TIMMDC1: variants seen among roughly 807,000 people sequenced by gnomAD.
The protein encoded by TIMMDC1 is complex I assembly factor TIMMDC1, mitochondrial.
In TIMMDC1, 25 loss-of-function variants were observed where a neutral mutation model predicts 32.6. The ratio of observed to expected loss-of-function variants is 0.77; its 90% CI spans 0.56 to 1.07. The LOEUF is 1.07. Ranked by LOEUF, TIMMDC1 falls within the 50% of genes least tolerant of loss-of-function variation. The pLI is 0.00. For synonymous variants in TIMMDC1, 130 were observed against 127.6 expected (o/e 1.02, Z -0.13); for missense variants, 329 against 349.2 (o/e 0.94, Z 0.46).
intron 4 of TIMMDC1, among the ~76,000 whole-genome samples, chr3:119,504,952 C>A (rs1440250942): frequency 6.6e-6 from 1 of 151,948 alleles, no homozygotes; most frequent in Non-Finnish European, 1.5e-5. Flanking sequence ...GTGGCAGGTG[C>A]CTGTAATCCC....
At chr3:119,518,005 T>G (rs536183272) in intron 6 of TIMMDC1, among the ~76,000 whole-genome samples, 1 of 150,070 alleles carries the variant, frequency 6.7e-6, no homozygotes, top group East Asian at 2.0e-4. Context: ...TGCATACATA[T>G]GTAAGTAAGA....
chr3:119,499,561 T>C (rs1438191330), intron 1 of TIMMDC1, among the ~76,000 whole-genome samples: 1 of 151,752 alleles, frequency 6.6e-6, no homozygotes. Flanking sequence ...GGGATTACAG[T>C]TGCCCACTAC....
At chr3:119,507,463 T>C (rs983013494) in intron 4 of TIMMDC1, among the ~76,000 whole-genome samples, 1 of 152,200 alleles carries the variant, frequency 6.6e-6, no homozygotes, top group African/African-American at 2.4e-5. Flanking sequence ...AGTGGGTTTT[T>C]AAATTTGTTT....
chr3:119,503,476 G>C lies in TIMMDC1; in HGVS notation c.361-56G>C, dbSNP rs1317633871. 3 of 1,414,626 alleles carry C rather than the reference G, an allele frequency of 2.1e-6. No homozygotes were observed. The African/African-American group carries it at 4.3e-5, about 20-fold the overall frequency. 87.6% of individuals were successfully genotyped at this position (1,414,626 alleles called of 1,614,324 possible). ...CTAAAATTCCTCTACCGCAGTTCTA[G>C]AATAAGGAAAATATGATGGTGTCTT... On this transcript the variant is annotated intron_variant, in intron 2 of 6. Transcript: ENST00000494664.
chr3:119,505,974 C>T (rs571023091), intron 4 of TIMMDC1, among the ~76,000 whole-genome samples: 7 of 152,076 alleles, frequency 4.6e-5, no homozygotes, highest in South Asian at 2.1e-4. Flanking sequence ...CTTAGGTAAA[C>T]GCGTGTCATG....
intron 2 of TIMMDC1, among the ~76,000 whole-genome samples, chr3:119,501,237 A>G (rs1462537452): frequency 2.0e-5 from 3 of 152,186 alleles, no homozygotes; most frequent in Non-Finnish European, 2.9e-5. Context: ...ATAGAGTGCT[A>G]ACTCGTTTGT....
chr3:119,520,691 C>G (rs1453459777), intron 6 of TIMMDC1, among the ~76,000 whole-genome samples: 1 of 152,180 alleles, frequency 6.6e-6, no homozygotes, highest in Non-Finnish European at 1.5e-5. Flanking sequence ...TCAAACTGTT[C>G]CGAAATATTG....
intron 4 of TIMMDC1, 63 bp from the exon 5 acceptor site, chr3:119,513,578 A>G: frequency 2.3e-6 from 3 of 1,288,520 alleles, no homozygotes; most frequent in Non-Finnish European, 3.4e-6. Flanking sequence ...GTAGAAGGAA[A>G]GTTTTAAAAT....
At chr3:119,513,863 G>T in intron 5 of TIMMDC1, 144 bp downstream of exon 5, 1 of 551,500 alleles carries the variant, frequency 1.8e-6, no homozygotes. Context: ...CAGTAGCTTT[G>T]ACTGTCCATT....
chr3:119,512,984 G>A (rs375077302), intron 4 of TIMMDC1, among the ~76,000 whole-genome samples: 21 of 152,112 alleles, frequency 1.4e-4, no homozygotes, highest in Admixed American at 8.5e-4. Flanking sequence ...CAAGTGATCC[G>A]CCTGCCTTGG....
intron 4 of TIMMDC1, among the ~76,000 whole-genome samples, chr3:119,509,686 ATTTTT>A (rs35042893): frequency 7.2e-6 from 1 of 139,370 alleles, no homozygotes; most frequent in Non-Finnish European, 1.5e-5. Flanking sequence ...ATGCAACTAA[ATTTTT>A]TTTTTTTTTT....
chr3:119,502,490 C>T (rs1035890093), intron 2 of TIMMDC1, among the ~76,000 whole-genome samples: 1 of 151,938 alleles, frequency 6.6e-6, no homozygotes, highest in Non-Finnish European at 1.5e-5. Context: ...CCTTGGCCTC[C>T]CAAAGGGTTG....
In TIMMDC1 at chr3:119,498,624, T is replaced by C. The variant is rs2081841606; in HGVS notation, c.-110T>C. The C allele has an allele frequency of 2.7e-6, 3 of 1,116,930 alleles. No individual in the cohort carries two copies. Among genetic ancestry groups the C allele is most frequent in the Non-Finnish European group, 3.9e-6 (3 of 765,860 alleles). 69.2% of individuals were successfully genotyped at this position (1,116,930 alleles called of 1,614,324 possible). A position where few individuals can be genotyped will look rare whatever the true frequency, so the allele number is the denominator to read the frequency against. On this transcript the variant is annotated 5_prime_UTR_variant, in exon 1 of 7. Coordinates refer to ENST00000494664, the MANE Select transcript of TIMMDC1 (RefSeq NM_016589.4). ...CGAGCCCTCTGGCAGAGGGTTAACC[T>C]GGGTCAAATGCACGGATTCTCACCT...
At chr3:119,506,945 G>A (rs572805941) in intron 4 of TIMMDC1, among the ~76,000 whole-genome samples, 5 of 152,236 alleles carry the variant, frequency 3.3e-5, no homozygotes, top group South Asian at 2.1e-4. Flanking sequence ...ACCTTTCAAA[G>A]TCCAGATCAT....
intron 4 of TIMMDC1, among the ~76,000 whole-genome samples, chr3:119,507,027 C>T (rs750863711): frequency 1.3e-5 from 2 of 152,176 alleles, no homozygotes; most frequent in Non-Finnish European, 2.9e-5. Context: ...TTCTATTTAG[C>T]TGTCTTTCCC....
chr3:119,518,038 A>G (rs976810061), intron 6 of TIMMDC1, among the ~76,000 whole-genome samples: 1 of 151,894 alleles, frequency 6.6e-6, no homozygotes, highest in Non-Finnish European at 1.5e-5. Flanking sequence ...AGTCTCCACA[A>G]AAATTCTATT....
rs1275291711 is a variant in TIMMDC1 at position 119,500,823 on chromosome 3, G to A, written c.323G>A (p.Ser108Asn). ...GCTAAACAACAATACATTGAGCAGAGCCAGGCAGAAATTTATCATAACCGG... is the reference window on the plus strand; with the variant it reads ...GCTAAACAACAATACATTGAGCAGAACCAGGCAGAAATTTATCATAACCGG... ...IHAKQQYIEQ[S>N]QAEIYHNRFD... is the part of the protein sequence containing the mutation. The change falls in exon 2 of 7, where the codon AGC (serine) becomes AAC (asparagine). Residue 108 changes from serine to asparagine, a missense_variant. Physicochemically the swap from Ser to Asn is conservative, Grantham distance 46. Coordinates refer to ENST00000494664, the MANE Select transcript of TIMMDC1 (RefSeq NM_016589.4). 1.2e-6 allele frequency: 2 copies of A among 1,614,078 alleles called. No homozygotes were observed. Among genetic ancestry groups the A allele is most frequent in the Non-Finnish European group, 8.5e-7 (1 of 1,179,976 alleles).
In TIMMDC1 at chr3:119,503,982, C is replaced by G. The variant is rs779002360; in HGVS notation, c.478C>G (p.Arg160Gly). The stretch of plus-strand genomic sequence containing the variant: ...AGTGAACACTAGTCTGAATGTATAC[C>G]GAAATAAAGATGCCTTAAGCCATTT... The part of the protein sequence containing the change: ...NTVNTSLNVY[R>G]NKDALSHFVI... Residue 160 changes from arginine to glycine, a missense_variant, in exon 4 of 7, where the codon CGA becomes GGA. By Grantham distance (125) the Arg-to-Gly change is moderately radical. Transcript: ENST00000494664. 5.0e-6 allele frequency: 8 copies of G among 1,612,842 alleles called. No individual in the cohort carries two copies. Among genetic ancestry groups the G allele is most frequent in the Non-Finnish European group, 6.8e-6 (8 of 1,179,284 alleles).
At chr3:119,513,463 A>C (rs1240504659) in intron 4 of TIMMDC1, among the ~76,000 whole-genome samples, 178 bp from the exon 5 acceptor site, 3 of 152,194 alleles carry the variant, frequency 2.0e-5, no homozygotes, top group African/African-American at 7.2e-5. Context: ...GAATCTGCAG[A>C]GTGGATGGGA....
Sources: gnomAD v4.1 joint callset for allele counts (sites outside exome capture counted in the v4.1 genomes callset) on GRCh38, gnomAD v4.1.1 for gene constraint, MANE v1.5 for transcripts, NCBI Gene and HGNC (gene_info 2026-07-23, HGNC 2026-07-21) for gene names.